The following TRAF3IP1 variants were observed in gnomAD, a reference collection of about 807,000 sequenced individuals.
TRAF3IP1 encodes the protein TRAF3-interacting protein 1.
In TRAF3IP1, 53 loss-of-function variants were observed where a neutral mutation model predicts 89.9. That is an observed-to-expected ratio of 0.59 (90% CI 0.47 to 0.74). The LOEUF is 0.74. Ranked by LOEUF, TRAF3IP1 falls within the 30% of genes least tolerant of loss-of-function variation. The probability of loss-of-function intolerance (pLI) is 0.00; values close to 1 mark genes in which losing one functional copy is unlikely to be tolerated. For missense variants in TRAF3IP1, 806 were observed against 866.1 expected, an observed-to-expected ratio of 0.93 and a Z score of 0.87; for synonymous variants, 311 against 322.1, an observed-to-expected ratio of 0.97 and a Z score of 0.37.
At chr2:238,361,930 A>T (rs1477378444) in intron 15 of TRAF3IP1, among the ~76,000 whole-genome samples, 2 of 152,066 alleles carry the variant, frequency 1.3e-5, no homozygotes, top group Admixed American at 6.5e-5. Flanking sequence ...TCTACAATCT[A>T]CCTCTTCCCA....
chr2:238,365,133 A>C (rs895352560), intron 15 of TRAF3IP1, among the ~76,000 whole-genome samples: 2 of 152,208 alleles, frequency 1.3e-5, no homozygotes, highest in Non-Finnish European at 2.9e-5. Flanking sequence ...TTTGAGTCTT[A>C]AATTATTTCA....
At chr2:238,348,445 T>C (rs1301707540) in intron 10 of TRAF3IP1, among the ~76,000 whole-genome samples, 6 of 152,316 alleles carry the variant, frequency 3.9e-5, no homozygotes, top group Middle Eastern at 3.4e-3. Context: ...CATGTGTCCA[T>C]TTCTCCTCTT....
chr2:238,334,869 T>C (rs1018398857), intron 7 of TRAF3IP1, among the ~76,000 whole-genome samples: 1 of 152,248 alleles, frequency 6.6e-6, no homozygotes, highest in Non-Finnish European at 1.5e-5. Flanking sequence ...TGTGGCATTA[T>C]GGCTACTGCG....
intron 1 of TRAF3IP1, 144 bp from the exon 2 acceptor site, chr2:238,325,162 A>G (rs943931320): frequency 2.5e-6 from 2 of 785,888 alleles, no homozygotes; most frequent in African/African-American, 3.4e-5. Flanking sequence ...CACGTGTAGT[A>G]GACATCAAAT....
chr2:238,353,327 G>T (rs777871220), intron 14 of TRAF3IP1, 118 bp downstream of exon 14: 56 of 1,138,282 alleles, frequency 4.9e-5, no homozygotes, highest in Admixed American at 1.4e-4. Context: ...TCTGGTCTGG[G>T]TCACACTGGC....
rs531896110 is a variant in TRAF3IP1, at chr2:238,349,485, G to A, written c.1451+77G>A. ...GGCATGGTGCCTCCGCTAAGAGAAGGGGGAGGGAAGCAGCACATGGTGCTG... is the reference window on the plus strand; with the variant it reads ...GGCATGGTGCCTCCGCTAAGAGAAGAGGGAGGGAAGCAGCACATGGTGCTG... On this transcript the variant is annotated intron_variant, in intron 12 of 16. Coordinates refer to ENST00000373327, the MANE Select transcript of TRAF3IP1 (RefSeq NM_015650.4). 1.0e-4 allele frequency: 146 copies of A among 1,429,270 alleles called. 2 individuals are homozygous for A. The East Asian group carries it at 1.8e-3, about 18-fold the overall frequency. 88.5% of individuals were successfully genotyped at this position (1,429,270 alleles called of 1,614,324 possible).
intron 15 of TRAF3IP1, among the ~76,000 whole-genome samples, chr2:238,356,318 G>A (rs1255380562): frequency 1.3e-5 from 2 of 152,218 alleles, no homozygotes; most frequent in Admixed American, 6.5e-5. Flanking sequence ...GCAACATGGT[G>A]AAACCCTGTC....
chr2:238,358,113 A>ATT (rs11295600), intron 15 of TRAF3IP1, among the ~76,000 whole-genome samples: 2 of 143,260 alleles, frequency 1.4e-5, no homozygotes, highest in African/African-American at 2.6e-5. Context: ...TTTTTGTTAC[A>ATT]TTTTTTTTTT....
chr2:238,368,474 C>T (rs1012978398), intron 15 of TRAF3IP1, among the ~76,000 whole-genome samples: 8 of 152,092 alleles, frequency 5.3e-5, no homozygotes, highest in African/African-American at 1.9e-4. Flanking sequence ...AGATGTGACC[C>T]CTTTTAAACT....
At chr2:238,349,251 T>C in intron 11 of TRAF3IP1, 74 bp from the exon 12 acceptor site, 1 of 1,386,782 alleles carries the variant, frequency 7.2e-7, no homozygotes. Context: ...AACATTCACC[T>C]GGGCTTTCTT....
Position 238,325,987 on chromosome 2 carries a change from G to T in TRAF3IP1, c.354+17G>T. On this transcript the variant is annotated intron_variant, in intron 3 of 16. Coordinates refer to ENST00000373327, the MANE Select transcript of TRAF3IP1 (RefSeq NM_015650.4). The stretch of plus-strand genomic sequence containing the variant: ...CTCAACAAGGTACTACTGCTGTCCT[G>T]GCATTTTGAACTTACTTAGTACTTG... 1 of 1,601,820 alleles carries T rather than the reference G, an allele frequency of 6.2e-7. No homozygotes were observed.
In TRAF3IP1 at chr2:238,326,950, T is replaced by C. The variant is rs566119445; in HGVS notation, c.354+980T>C. On this transcript the variant is annotated intron_variant, in intron 3 of 16. Coordinates refer to ENST00000373327, the MANE Select transcript of TRAF3IP1 (RefSeq NM_015650.4). ...CCCCAGCTCCCCTTCCCGGGTCCTT[T>C]ATGTTTCTCATCTTTCTAAAAAGCA... is the stretch of plus-strand genomic sequence containing the variant. 6.4e-4 allele frequency among the ~76,000 whole-genome samples: 97 copies of C among 152,322 alleles called. 2 individuals carry two copies. The South Asian group carries it at 0.019, about 31-fold the overall frequency.
In TRAF3IP1 at chr2:238,320,797, G is replaced by T. The variant is rs1437318880; in HGVS notation, c.123+12G>T. Reference sequence around the variant, plus strand: ...ACATCATCACGGAGGTGGGCGCCGGGGACCGGGCCCGGCCAGGTGCGGGTC... The same window carrying T: ...ACATCATCACGGAGGTGGGCGCCGGTGACCGGGCCCGGCCAGGTGCGGGTC... On this transcript the variant is annotated intron_variant, in intron 1 of 16. Transcript: ENST00000373327. The T allele has an allele frequency of 5.7e-6, 8 of 1,406,716 alleles. No homozygotes were observed. The highest frequency in any genetic ancestry group is 6.6e-6 in the Non-Finnish European group (7 of 1,064,284). 87.1% of individuals were successfully genotyped at this position (1,406,716 alleles called of 1,614,324 possible).
At chr2:238,386,810 G>A (rs758714403) in intron 15 of TRAF3IP1, among the ~76,000 whole-genome samples, 5 of 152,116 alleles carry the variant, frequency 3.3e-5, no homozygotes, top group Non-Finnish European at 7.3e-5. Flanking sequence ...ACCCATTGGG[G>A]CTCATGCCAA....
In TRAF3IP1 at chr2:238,400,241, GCA is replaced by G. The variant is rs2106390771; in HGVS notation, c.*1324_*1325del. On this transcript the variant is annotated 3_prime_UTR_variant, in exon 17 of 17. Transcript: ENST00000373327. ...CTCCTGAGTAACTGGGACTACAGGC[GCA>G]CGCCACCATGCCCAGCTAATTTTTG... The G allele has an allele frequency of 6.6e-6, 1 of 152,038 alleles. No individual in the cohort carries two copies. The highest frequency in any genetic ancestry group is 2.1e-4 in the South Asian group (1 of 4,820). The allele number at this position is 152,038 out of a possible 1,614,324, so 9.4% of individuals were successfully genotyped here.
At chr2:238,355,855 C>T (rs1296783029) in intron 14 of TRAF3IP1, 149 bp from the exon 15 acceptor site, 1 of 653,314 alleles carries the variant, frequency 1.5e-6, no homozygotes, top group African/African-American at 1.8e-5. Context: ...TGTACTATCT[C>T]CTTAACAAAT....
intron 5 of TRAF3IP1, 63 bp from the exon 6 acceptor site, chr2:238,332,761 C>A: frequency 8.1e-7 from 1 of 1,229,566 alleles, no homozygotes; most frequent in Non-Finnish European, 1.2e-6. Flanking sequence ...AATATCTTGG[C>A]ATATTTTTAG....
intron 15 of TRAF3IP1, among the ~76,000 whole-genome samples, chr2:238,391,692 TATG>T (rs1263498901): frequency 6.6e-6 from 1 of 152,206 alleles, no homozygotes; most frequent in Non-Finnish European, 1.5e-5. Context: ...GCAATAGAAA[TATG>T]AGGAGTTTGG....
intron 11 of TRAF3IP1, 33 bp from the exon 12 acceptor site, chr2:238,349,292 C>G: frequency 6.2e-7 from 1 of 1,602,896 alleles, no homozygotes; most frequent in South Asian, 1.1e-5. Context: ...GCCTTTCATA[C>G]TCCTTTTTTG....
Sources: gnomAD v4.1 joint callset for allele counts (sites outside exome capture counted in the v4.1 genomes callset) on GRCh38, gnomAD v4.1.1 for gene constraint, MANE v1.5 for transcripts, NCBI Gene and HGNC (gene_info 2026-07-23, HGNC 2026-07-21) for gene names.